Variants in LRP1B observed in about 807,000 individuals in gnomAD.
The protein encoded by LRP1B is LDL receptor related protein 1B, also known as low-density lipoprotein receptor-related protein 1B.
A neutral mutation model predicts 556.6 loss-of-function variants in LRP1B; 217 were observed. The observed-to-expected ratio is 0.39, with a 90% CI of 0.35 to 0.44. The LOEUF is 0.44. LRP1B is among the 20% of genes least tolerant of loss of function. The probability of loss-of-function intolerance (pLI) is 1.00; values close to 1 mark genes in which losing one functional copy is unlikely to be tolerated. For missense variants in LRP1B, 5,053 were observed against 5,620.8 expected (o/e 0.90, Z 3.23); for synonymous variants, 2,047 against 1,865.8 (o/e 1.10, Z -2.50).
chr2:142,092,880 C>G (rs955175219), intron 1 of LRP1B, among the ~76,000 whole-genome samples: 2 of 152,088 alleles, frequency 1.3e-5, no homozygotes, highest in African/African-American at 4.8e-5. Context: ...AAATCACCAT[C>G]ATAAGTTTTC....
intron 43 of LRP1B, among the ~76,000 whole-genome samples, chr2:140,584,999 G>A (rs1344624892): frequency 6.6e-6 from 1 of 151,786 alleles, no homozygotes; most frequent in African/African-American, 2.4e-5. Flanking sequence ...ACATAGCAAT[G>A]CATCAGACTT....
intron 1 of LRP1B, among the ~76,000 whole-genome samples, chr2:142,058,021 G>A (rs756362963): frequency 1.2e-4 from 19 of 152,218 alleles, no homozygotes; most frequent in Middle Eastern, 3.4e-3. Flanking sequence ...TTGCTCTATC[G>A]ACCAATAAGA....
intron 1 of LRP1B, among the ~76,000 whole-genome samples, chr2:141,851,065 T>C (rs1264590994): frequency 1.3e-5 from 2 of 151,748 alleles, no homozygotes; most frequent in African/African-American, 4.8e-5. Flanking sequence ...CCCTCAACAA[T>C]GAATTTCGAT....
At chr2:141,028,249 GATAA>G (rs138871243) in intron 11 of LRP1B, among the ~76,000 whole-genome samples, 4,260 of 151,588 alleles carry the variant, frequency 0.028, 72 homozygotes, top group African/African-American at 0.036. Context: ...GGTATAATAA[GATAA>G]ATAAATACTT....
intron 7 of LRP1B, among the ~76,000 whole-genome samples, chr2:141,083,754 C>A (rs1201374315): frequency 6.6e-6 from 1 of 152,030 alleles, no homozygotes; most frequent in Admixed American, 6.6e-5. Flanking sequence ...AGTGTTCAGC[C>A]CCCTTACCAT....
intron 2 of LRP1B, among the ~76,000 whole-genome samples, chr2:141,776,189 G>A (rs542253943): frequency 4.6e-5 from 7 of 151,414 alleles, no homozygotes; most frequent in South Asian, 2.1e-4. Context: ...AAGGCTTGCC[G>A]TCTTGATTCC....
Position 140,716,113 on chromosome 2 carries a change from T to G in LRP1B, c.5894-11A>C, listed in dbSNP as rs1030687688. The G allele has an allele frequency of 1.9e-6, 3 of 1,567,658 alleles. No homozygotes were observed. In the African/African-American group the frequency reaches 4.1e-5, roughly 21 times the overall value. On this transcript the variant is annotated splice_polypyrimidine_tract_variant and intron_variant, in intron 36 of 90. Transcript: ENST00000389484. ...TCCAATATATGTTACCTAGGAGAAA[T>G]AATAGAGGTGTTTATAATACAGTTT...
intron 7 of LRP1B, among the ~76,000 whole-genome samples, chr2:141,116,595 A>T (rs1700905589): frequency 6.6e-6 from 1 of 152,128 alleles, no homozygotes; most frequent in South Asian, 2.1e-4. Flanking sequence ...AAAAACCTTT[A>T]CCAAATCCCA....
intron 2 of LRP1B, among the ~76,000 whole-genome samples, chr2:141,770,183 T>C (rs949008951): frequency 1.3e-5 from 2 of 152,160 alleles, no homozygotes; most frequent in African/African-American, 4.8e-5. Context: ...ACAATAGCTC[T>C]GTGCATATAG....
chr2:141,454,131 T>A (rs951536108), intron 3 of LRP1B, among the ~76,000 whole-genome samples: 2 of 152,094 alleles, frequency 1.3e-5, no homozygotes, highest in African/African-American at 4.8e-5. Flanking sequence ...GGCATTTAAT[T>A]TTTGTCTTAT....
intron 3 of LRP1B, among the ~76,000 whole-genome samples, chr2:141,260,811 G>T (rs77928004): frequency 7.2e-5 from 11 of 152,212 alleles, no homozygotes; most frequent in African/African-American, 2.6e-4. Flanking sequence ...ATACAGAATG[G>T]TATAAGCACC....
At chr2:140,352,156 C>T (rs1275435194) in intron 76 of LRP1B, among the ~76,000 whole-genome samples, 2 of 151,898 alleles carry the variant, frequency 1.3e-5, no homozygotes, top group African/African-American at 4.8e-5. Context: ...CCTAGTTTAT[C>T]ATTTAATCTT....
chr2:140,238,356 T>C, intron 88 of LRP1B, 60 bp from the exon 89 acceptor site: 1 of 810,040 alleles, frequency 1.2e-6, no homozygotes, highest in South Asian at 2.2e-5. Flanking sequence ...TCAAGGCATA[T>C]GAAATTATAT....
At chr2:140,375,320 C>T (rs925485470) in intron 68 of LRP1B, among the ~76,000 whole-genome samples, 2 of 149,288 alleles carry the variant, frequency 1.3e-5, no homozygotes, top group Non-Finnish European at 3.0e-5. Context: ...TCTTAATAAT[C>T]TCAGATGTTA....
At chr2:140,282,348 T>C (rs966186367) in intron 84 of LRP1B, among the ~76,000 whole-genome samples, 5 of 151,826 alleles carry the variant, frequency 3.3e-5, no homozygotes, top group Admixed American at 1.3e-4. Flanking sequence ...CCTCTTTTTA[T>C]AGATAAATAA....
At chr2:141,671,111 G>A (rs1690649900) in intron 2 of LRP1B, among the ~76,000 whole-genome samples, 1 of 152,090 alleles carries the variant, frequency 6.6e-6, no homozygotes, top group South Asian at 2.1e-4. Context: ...AAATATTTGG[G>A]ATTTAAAGGG....
intron 35 of LRP1B, among the ~76,000 whole-genome samples, chr2:140,755,142 G>T (rs1227829312): frequency 6.6e-6 from 1 of 151,912 alleles, no homozygotes; most frequent in Non-Finnish European, 1.5e-5. Flanking sequence ...CATATGAACA[G>T]ATCTATAACA....
intron 62 of LRP1B, among the ~76,000 whole-genome samples, chr2:140,455,762 A>G (rs955764074): frequency 2.0e-5 from 3 of 152,318 alleles, no homozygotes; most frequent in South Asian, 4.1e-4. Context: ...AGCAAACTCA[A>G]ACATAGAATT....
intron 5 of LRP1B, among the ~76,000 whole-genome samples, chr2:141,234,330 C>T (rs950395519): frequency 1.3e-5 from 2 of 152,030 alleles, no homozygotes; most frequent in African/African-American, 4.8e-5. Context: ...ATATATGAAA[C>T]AAAATGCATG....
Sources: allele counts gnomAD v4.1 joint callset (sites outside exome capture counted in the v4.1 genomes callset), GRCh38; gene constraint gnomAD v4.1.1; transcripts MANE v1.5; gene names NCBI Gene and HGNC (gene_info 2026-07-23, HGNC 2026-07-21).